The following SCAND3 variants were observed in gnomAD, a reference collection of about 807,000 sequenced individuals.
SCAND3 encodes SCAN domain containing 3.
chr6:28,579,972 C>T, the SCAND3 span, among the ~76,000 whole-genome samples: 251 of 152,240 alleles, frequency 1.6e-3, 2 homozygotes, highest in Non-Finnish European at 1.9e-3. This position sits in a 1 kb window ranked among gnomAD's most constrained non-coding sequence, Gnocchi z 4.5. Flanking sequence ...TACGCTACAT[C>T]GAGTTGGAAA....
chr6:28,595,330 CA>C, the SCAND3 span, among the ~76,000 whole-genome samples: 337 of 37,320 alleles, frequency 9.0e-3, 1 homozygote, highest in Middle Eastern at 0.023. Flanking sequence ...AACCCAGTCT[CA>C]AAAAAAAAAA....
the SCAND3 span, among the ~76,000 whole-genome samples, chr6:28,612,763 C>T: frequency 6.6e-6 from 1 of 152,176 alleles, no homozygotes; most frequent in African/African-American, 2.4e-5. Flanking sequence ...GAATAAACCA[C>T]ACACATGTAA....
chr6:28,605,779 G>C, the SCAND3 span, among the ~76,000 whole-genome samples: 1 of 152,136 alleles, frequency 6.6e-6, no homozygotes, highest in African/African-American at 2.4e-5. Flanking sequence ...CCGGGAGGCG[G>C]AGGTTGCAGT....
At chr6:28,580,899 G>A in the SCAND3 span, among the ~76,000 whole-genome samples, 1 of 150,198 alleles carries the variant, frequency 6.7e-6, no homozygotes, top group Non-Finnish European at 1.5e-5. Flanking sequence ...TTAGAACCGG[G>A]AGGAACTCCA....
chr6:28,577,339 C>G, the SCAND3 span, among the ~76,000 whole-genome samples: 4 of 152,144 alleles, frequency 2.6e-5, no homozygotes, highest in African/African-American at 9.7e-5. Context: ...AATACTTTCA[C>G]TCAAGTCAAC....
the SCAND3 span, among the ~76,000 whole-genome samples, chr6:28,594,051 T>A: frequency 6.6e-6 from 1 of 152,284 alleles, no homozygotes; most frequent in African/African-American, 2.4e-5. Flanking sequence ...AAATCTTTTT[T>A]ATAAAAGCCG....
the SCAND3 span, among the ~76,000 whole-genome samples, chr6:28,604,255 A>C: frequency 6.6e-6 from 1 of 152,192 alleles, no homozygotes; most frequent in Non-Finnish European, 1.5e-5. Context: ...TTCTGGGTTA[A>C]GGTTTTGGCT....
chr6:28,607,519 G>T, the SCAND3 span, among the ~76,000 whole-genome samples: 2 of 149,406 alleles, frequency 1.3e-5, no homozygotes, highest in African/African-American at 2.5e-5. Flanking sequence ...TTTATTCACT[G>T]TTTTTTTTTT....
the SCAND3 span, chr6:28,573,407 G>C: frequency 1.2e-6 from 2 of 1,614,106 alleles, no homozygotes; most frequent in Middle Eastern, 1.7e-4. Context: ...GCAACCGGAA[G>C]TGCTACTTTA....
chr6:28,574,994 T>A, the SCAND3 span: 2 of 1,613,566 alleles, frequency 1.2e-6, no homozygotes, highest in Non-Finnish European at 1.7e-6. Context: ...TCTGTTCCAG[T>A]CTCAATGTTT....
the SCAND3 span, chr6:28,575,091 T>C: frequency 6.2e-7 from 1 of 1,614,192 alleles, no homozygotes; most frequent in Non-Finnish European, 8.5e-7. This position sits in a 1 kb window ranked among gnomAD's most constrained non-coding sequence, Gnocchi z 4.2. Context: ...CAACAAGTTC[T>C]TCAGTTAGCT....
chr6:28,589,554 G>T, the SCAND3 span: 1 of 152,074 alleles, frequency 6.6e-6, no homozygotes, highest in Non-Finnish European at 1.5e-5. Flanking sequence ...CTTTGTGGTC[G>T]CGTGCACGGT....
At chr6:28,593,010 ATTT>A in the SCAND3 span, among the ~76,000 whole-genome samples, 1 of 145,568 alleles carries the variant, frequency 6.9e-6, no homozygotes. Flanking sequence ...CTGGGCAATG[ATTT>A]TTTTTTTTTT....
the SCAND3 span, chr6:28,572,779 C>G: frequency 6.2e-7 from 1 of 1,613,588 alleles, no homozygotes; most frequent in Admixed American, 1.7e-5. The surrounding 1 kb of genome is among the most constrained non-coding windows in gnomAD (Gnocchi z 4.1). Flanking sequence ...AGAGAATAAT[C>G]TTGAATTCAA....
the SCAND3 span, chr6:28,586,239 T>C: frequency 7.0e-7 from 1 of 1,421,290 alleles, no homozygotes. This position sits in a 1 kb window ranked among gnomAD's most constrained non-coding sequence, Gnocchi z 4.4. Context: ...CTCCCATTAC[T>C]CCATTCTGGA....
At chr6:28,581,579 C>G in the SCAND3 span, among the ~76,000 whole-genome samples, 4 of 152,184 alleles carry the variant, frequency 2.6e-5, no homozygotes, top group Admixed American at 2.6e-4. Context: ...TATTTCTGCT[C>G]TGTCACTTTT....
At chr6:28,605,678 C>A in the SCAND3 span, among the ~76,000 whole-genome samples, 499 of 119,364 alleles carry the variant, frequency 4.2e-3, no homozygotes, top group Non-Finnish European at 5.3e-3. Context: ...CTAAAAAATA[C>A]AAAAAAAAAA....
the SCAND3 span, chr6:28,589,600 C>T: frequency 2.6e-5 from 4 of 152,128 alleles, no homozygotes; most frequent in East Asian, 7.7e-4. Context: ...CATGAAAGTA[C>T]CAAGCTCTTT....
At chr6:28,586,686 A>C in the SCAND3 span, 1 of 1,613,766 alleles carries the variant, frequency 6.2e-7, no homozygotes, top group African/African-American at 1.3e-5. This position sits in a 1 kb window ranked among gnomAD's most constrained non-coding sequence, Gnocchi z 4.4. Flanking sequence ...CTGGCCAGCC[A>C]AGGCTGGGAA....
Sources: gnomAD v4.1 joint callset for allele counts (sites outside exome capture counted in the v4.1 genomes callset) on GRCh38, gnomAD v4.1.1 for gene constraint, Gnocchi (gnomAD v3.1) non-coding constraint, MANE v1.5 for transcripts, NCBI Gene and HGNC (gene_info 2026-07-23, HGNC 2026-07-21) for gene names.